The following IPP variants were observed in gnomAD, a reference collection of about 807,000 sequenced individuals.
IPP encodes intracisternal A particle-promoted polypeptide.
IPP carries 41 observed loss-of-function variants against 64.1 expected under a neutral mutation model. The observed-to-expected ratio is 0.64, with a 90% CI of 0.50 to 0.83. The LOEUF (loss-of-function observed/expected upper bound fraction) is 0.83, where lower values mean the gene tolerates loss of function less well. IPP is among the 40% of genes least tolerant of loss of function. IPP has a pLI of 0.00. For missense variants in IPP, 649 were observed against 703.0 expected (o/e 0.92, Z 0.87); for synonymous variants, 214 against 235.2 (o/e 0.91, Z 0.83).
chr1:45,741,255 GAAC>G lies in IPP; in HGVS notation c.367_369del (p.Val123del). The stretch of plus-strand genomic sequence containing the variant: ...CCTTTCAGAAATTCACAGCAAAGAT[GAAC>G]AACTTCAGTCAACTGTAGCATGTCT... On this transcript the variant is annotated inframe_deletion, in exon 3 of 9. Coordinates refer to ENST00000396478, the MANE Select transcript of IPP (RefSeq NM_005897.3). The G allele has an allele frequency of 6.2e-7, 1 of 1,613,958 alleles. No homozygotes were observed. The highest frequency in any genetic ancestry group is 8.5e-7 in the Non-Finnish European group (1 of 1,179,852).
At chr1:45,725,045 G>A (rs547557003) in intron 5 of IPP, among the ~76,000 whole-genome samples, 38 of 135,784 alleles carry the variant, frequency 2.8e-4, no homozygotes, top group African/African-American at 9.2e-4. Context: ...CCGGCCAGCC[G>A]CCCCGTCCGG....
At chr1:45,750,545 G>A (rs1646208637) in intron 1 of IPP, 52 bp downstream of exon 1, 1 of 152,432 alleles carries the variant, frequency 6.6e-6, no homozygotes, top group South Asian at 2.1e-4. Flanking sequence ...GGGAGTAGAA[G>A]AGGAAGTTCC....
chr1:45,698,760 C>T lies in IPP; in HGVS notation c.*1206G>A, dbSNP rs1645411542. On this transcript the variant is annotated 3_prime_UTR_variant, in exon 9 of 9. Transcript: ENST00000396478. ...TTGAGACAGGTTCTCATGCTGTCAC[C>T]CAGGCCGGTGTGCAGTGGCACAATC... 1 of 719,246 alleles carries T rather than the reference C, an allele frequency of 1.4e-6. No individual in the cohort carries two copies. The highest frequency in any genetic ancestry group is 2.0e-5 in the African/African-American group (1 of 51,106). The allele number at this position is 719,246 out of a possible 1,614,324, so 44.6% of individuals were successfully genotyped here. A position where few individuals can be genotyped will look rare whatever the true frequency, so the allele number is the denominator to read the frequency against.
chr1:45,737,545 CA>C (rs1645997781), intron 3 of IPP, among the ~76,000 whole-genome samples: 2 of 150,464 alleles, frequency 1.3e-5, no homozygotes. Context: ...ACTGCAGCCT[CA>C]GCTTCCTGGG....
chr1:45,706,661 G>A (rs987266478), intron 8 of IPP, among the ~76,000 whole-genome samples: 3 of 152,096 alleles, frequency 2.0e-5, no homozygotes, highest in African/African-American at 7.2e-5. Context: ...ATGTTGGCCA[G>A]GCTGATCTCG....
At chr1:45,736,407 A>G (rs1445072454) in intron 3 of IPP, among the ~76,000 whole-genome samples, 1 of 152,148 alleles carries the variant, frequency 6.6e-6, no homozygotes, top group Non-Finnish European at 1.5e-5. Flanking sequence ...TTTCAGTTGT[A>G]AGTACAATAA....
At chr1:45,731,260 G>GT (rs2148572550) in intron 3 of IPP, among the ~76,000 whole-genome samples, 1 of 151,796 alleles carries the variant, frequency 6.6e-6, no homozygotes, top group East Asian at 1.9e-4. Context: ...GGGCAACACA[G>GT]TGAAACCCTG....
At chr1:45,715,360 G>A (rs28667270) in intron 7 of IPP, among the ~76,000 whole-genome samples, 3,849 of 152,000 alleles carry the variant, frequency 0.025, 164 homozygotes, top group African/African-American at 0.089. Context: ...ATGTGGGCTA[G>A]GCCGGGCGCG....
chr1:45,727,672 A>G lies in IPP; in HGVS notation c.1007T>C (p.Leu336Pro). 1 of 1,594,110 alleles carries G rather than the reference A, an allele frequency of 6.3e-7. No individual in the cohort carries two copies. Among genetic ancestry groups the G allele is most frequent in the Non-Finnish European group, 8.6e-7 (1 of 1,165,046 alleles). The change falls in exon 5 of 9, where the codon CTG becomes CCG. Residue 336 changes from leucine to proline, a missense_variant. Leu to Pro is a moderately conservative substitution (Grantham distance 98). Transcript: ENST00000396478. ...CATCCCTCCCAGAACTGTTACTCCC[A>G]GCCCACTTCGAGCCTGATGAAGTGA... ...VSSLHQARSG[L>P]GVTVLGGMVY...
chr1:45,709,690 G>A (rs1321984320), intron 8 of IPP, among the ~76,000 whole-genome samples: 3 of 132,702 alleles, frequency 2.3e-5, no homozygotes, highest in Admixed American at 7.7e-5. Flanking sequence ...AGCTGGGCAT[G>A]GTGGCATGCA....
rs200475695 is a variant in IPP, at chr1:45,729,647, G to A, written c.847C>T (p.Arg283Trp). Residue 283 changes from arginine (R) to tryptophan (W), a missense_variant, in exon 4 of 9, where the codon CGG becomes TGG. Arg to Trp is a moderately radical substitution (Grantham distance 101). Transcript: ENST00000396478. ...SFLQTSKVRP[R>W]KKARKYLYAV... is the part of the protein sequence containing the mutation. ...TACAGGTACTTTCTTGCTTTCTTCC[G>A]AGGTCGAACCTTAGATGTCTGCAGA... is the stretch of plus-strand genomic sequence containing the variant. 146 of 1,613,014 alleles carry A rather than the reference G, an allele frequency of 9.1e-5. No homozygotes were observed. Among genetic ancestry groups the A allele is most frequent in the Non-Finnish European group, 1.2e-4 (137 of 1,179,572 alleles).
chr1:45,706,386 A>AG, intron 8 of IPP, among the ~76,000 whole-genome samples: 1 of 152,310 alleles, frequency 6.6e-6, no homozygotes. Context: ...GGATTACTTA[A>AG]GTCCGGGAGT....
rs1646061446 is a variant in IPP at position 45,741,245 on chromosome 1, C to T, written c.380G>A (p.Cys127Tyr). ...ATCAATTTGTCCTTTCAGAAATTCA[C>T]AGCAAAGATGAACAACTTCAGTCAA... is the stretch of plus-strand genomic sequence containing the variant. ...LQLTEVVHLC[C>Y]EFLKGQIDPL... The change falls in exon 3 of 9, where the codon TGT becomes TAT. Residue 127 changes from cysteine (C) to tyrosine (Y), a missense_variant. By Grantham distance (194) the Cys-to-Tyr change is radical. Transcript: ENST00000396478. The T allele has an allele frequency of 6.2e-7, 1 of 1,614,092 alleles. No homozygotes were observed. Among genetic ancestry groups the T allele is most frequent in the Non-Finnish European group, 8.5e-7 (1 of 1,179,970 alleles).
intron 5 of IPP, among the ~76,000 whole-genome samples, chr1:45,727,075 G>A (rs1209372912): frequency 6.6e-6 from 1 of 151,748 alleles, no homozygotes; most frequent in African/African-American, 2.4e-5. Context: ...TTTGAGAGAG[G>A]GTCTTGCTCT....
chr1:45,718,412 G>A (rs1167112604), intron 6 of IPP, among the ~76,000 whole-genome samples: 1 of 152,216 alleles, frequency 6.6e-6, no homozygotes, highest in Non-Finnish European at 1.5e-5. Context: ...TGTGTGACTA[G>A]CAGCTTGGTC....
intron 3 of IPP, among the ~76,000 whole-genome samples, chr1:45,740,034 A>C (rs2148580515): frequency 6.6e-6 from 1 of 152,262 alleles, no homozygotes; most frequent in South Asian, 2.1e-4. Context: ...CTTAACGAGC[A>C]TGCTGCCTTC....
rs1645413672 is a variant in IPP, at chr1:45,698,927, G to A, written c.*1039C>T. The A allele has an allele frequency of 2.2e-6, 1 of 460,092 alleles. No individual in the cohort carries two copies. Among genetic ancestry groups the A allele is most frequent in the Non-Finnish European group, 2.9e-6 (1 of 350,292 alleles). The allele number at this position is 460,092 out of a possible 1,614,324, so 28.5% of individuals were successfully genotyped here. A position where few individuals can be genotyped will look rare whatever the true frequency, so the allele number is the denominator to read the frequency against. On this transcript the variant is annotated 3_prime_UTR_variant, in exon 9 of 9. Coordinates refer to ENST00000396478, the MANE Select transcript of IPP (RefSeq NM_005897.3). ...GGTAGAGACGGAGTCTCATCACGTT[G>A]CCCAGGCTAGTCTCGAACTCCTGAG...
intron 5 of IPP, among the ~76,000 whole-genome samples, chr1:45,723,969 T>TCCCCCTC (rs1645766914): frequency 2.1e-5 from 3 of 145,544 alleles, no homozygotes; most frequent in South Asian, 4.8e-4. Flanking sequence ...CCTCTCCCTC[T>TCCCCCTC]CCCCCTCCCC....
At chr1:45,747,129 C>T (rs1646148046) in intron 1 of IPP, among the ~76,000 whole-genome samples, 1 of 151,970 alleles carries the variant, frequency 6.6e-6, no homozygotes, top group Admixed American at 6.6e-5. Context: ...AGCGCGCGCG[C>T]GCGCTTCAGA....
Sources: allele counts gnomAD v4.1 joint callset (sites outside exome capture counted in the v4.1 genomes callset), GRCh38; gene constraint gnomAD v4.1.1; transcripts MANE v1.5; gene names NCBI Gene and HGNC (gene_info 2026-07-23, HGNC 2026-07-21).